Variants in ELAVL4 observed in about 807,000 individuals in gnomAD.
The protein encoded by ELAVL4 is ELAV-like protein 4.
Under a neutral mutation model 35.6 loss-of-function variants are expected in ELAVL4, and 1 was observed. The ratio of observed to expected loss-of-function variants is 0.03; its 90% CI spans 0.01 to 0.13. The LOEUF is 0.13. Among genes scored for constraint, ELAVL4 ranks in the 10% least tolerant of loss-of-function variants. The pLI is 1.00. For synonymous variants in ELAVL4, 156 were observed against 171.0 expected (o/e 0.91, Z 0.69); for missense variants, 267 against 464.9 (o/e 0.57, Z 3.91).
At chr1:50,168,437 T>C (rs1678354803) in intron 2 of ELAVL4, among the ~76,000 whole-genome samples, 1 of 152,206 alleles carries the variant, frequency 6.6e-6, no homozygotes, top group African/African-American at 2.4e-5. Flanking sequence ...AGCTCATGTC[T>C]GTTTTTCCGT....
chr1:50,104,810 T>C (rs933306780), upstream of ELAVL4, among the ~76,000 whole-genome samples: 1 of 152,252 alleles, frequency 6.6e-6, no homozygotes, highest in African/African-American at 2.4e-5. Context: ...CTATATCCTT[T>C]TAACATACCC....
intron 1 of ELAVL4, among the ~76,000 whole-genome samples, chr1:50,097,907 A>G (rs1310296540): frequency 1.3e-5 from 2 of 152,178 alleles, no homozygotes; most frequent in African/African-American, 2.4e-5. Flanking sequence ...CTTTTGCCCC[A>G]AGGTACCCAT....
At chr1:50,183,024 ATTT>A (rs1681286315) in intron 3 of ELAVL4, among the ~76,000 whole-genome samples, 1 of 151,732 alleles carries the variant, frequency 6.6e-6, no homozygotes, top group Non-Finnish European at 1.5e-5. Context: ...CGCCCGGCTG[ATTT>A]TTGTATTTTT....
At chr1:50,189,871 A>C (rs1682405652) in intron 3 of ELAVL4, among the ~76,000 whole-genome samples, 1 of 152,230 alleles carries the variant, frequency 6.6e-6, no homozygotes. Context: ...AAGGTCATGC[A>C]GCTAGTGAGT....
intron 3 of ELAVL4, among the ~76,000 whole-genome samples, chr1:50,189,289 A>G (rs908984896): frequency 1.3e-5 from 2 of 152,238 alleles, no homozygotes; most frequent in African/African-American, 2.4e-5. Context: ...TGCCCAGGCC[A>G]AGCCCTGTGT....
chr1:50,110,799 C>T (rs1053986283), intron 1 of ELAVL4, among the ~76,000 whole-genome samples: 1 of 152,114 alleles, frequency 6.6e-6, no homozygotes, highest in African/African-American at 2.4e-5. Flanking sequence ...TTGCCTTTGT[C>T]TGGCTGCTTG....
At chr1:50,137,749 A>G (rs1482625148) in intron 1 of ELAVL4, among the ~76,000 whole-genome samples, 2 of 152,208 alleles carry the variant, frequency 1.3e-5, no homozygotes, top group Non-Finnish European at 2.9e-5. Flanking sequence ...AAGAAATCAT[A>G]TGAAAAGAGT....
intron 1 of ELAVL4, among the ~76,000 whole-genome samples, chr1:50,069,822 G>A (rs1664430196): frequency 1.3e-5 from 2 of 152,108 alleles, no homozygotes; most frequent in Non-Finnish European, 2.9e-5. Context: ...TCCTCACCTG[G>A]GTACTATATT....
chr1:50,161,988 A>C (rs989050189), intron 2 of ELAVL4, among the ~76,000 whole-genome samples: 2 of 152,234 alleles, frequency 1.3e-5, no homozygotes, highest in Non-Finnish European at 1.5e-5. Flanking sequence ...TTTCATGTTC[A>C]GAGACATCAT....
chr1:50,200,181 T>C (rs1223215528), intron 6 of ELAVL4, among the ~76,000 whole-genome samples: 5 of 152,106 alleles, frequency 3.3e-5, no homozygotes, highest in Non-Finnish European at 5.9e-5. Flanking sequence ...ATCTGTTTAA[T>C]AGCAAGAAAG....
chr1:50,126,568 A>C (rs549365365), intron 1 of ELAVL4, among the ~76,000 whole-genome samples: 75 of 152,260 alleles, frequency 4.9e-4, no homozygotes, highest in African/African-American at 1.4e-3. Context: ...CACTAGTTTT[A>C]GAATGTAGAC....
chr1:50,170,788 T>A (rs532204146), intron 2 of ELAVL4, among the ~76,000 whole-genome samples: 4 of 152,256 alleles, frequency 2.6e-5, no homozygotes, highest in Non-Finnish European at 4.4e-5. Flanking sequence ...ATCCCAACAC[T>A]TTGAGAGGCC....
chr1:50,123,354 A>G (rs17105902), intron 1 of ELAVL4, among the ~76,000 whole-genome samples: 6,356 of 152,056 alleles, frequency 0.042, 412 homozygotes, highest in African/African-American at 0.13. Context: ...AACAGAGTTG[A>G]ATTTAAAACA....
At chr1:50,193,326 G>C (rs1682952217) in intron 3 of ELAVL4, among the ~76,000 whole-genome samples, 1 of 151,216 alleles carries the variant, frequency 6.6e-6, no homozygotes, top group Non-Finnish European at 1.5e-5. Context: ...GGGTAGGGAG[G>C]GTGGCAAGGA....
intron 3 of ELAVL4, 48 bp from the exon 4 acceptor site, chr1:50,193,717 T>C: frequency 6.3e-7 from 1 of 1,588,718 alleles, no homozygotes; most frequent in South Asian, 1.2e-5. Flanking sequence ...GCATCTACTC[T>C]GAGGGTGATT....
intron 1 of ELAVL4, chr1:50,110,076 C>T: frequency 7.3e-7 from 1 of 1,365,950 alleles, no homozygotes; most frequent in East Asian, 2.4e-5. Flanking sequence ...TCGTAAATCA[C>T]TGTGCTGATC....
intron 1 of ELAVL4, among the ~76,000 whole-genome samples, chr1:50,086,144 G>C (rs914574841): frequency 1.3e-5 from 2 of 151,858 alleles, no homozygotes; most frequent in African/African-American, 4.8e-5. Context: ...TAGACTTCCT[G>C]AAGTTTTAAA....
intron 1 of ELAVL4, chr1:50,048,244 C>A: frequency 6.9e-7 from 1 of 1,440,168 alleles, no homozygotes; most frequent in Non-Finnish European, 9.2e-7. Flanking sequence ...TTACGGACAC[C>A]CGCTGGGCCA....
intron 2 of ELAVL4, among the ~76,000 whole-genome samples, chr1:50,172,199 A>T (rs1019887488): frequency 6.6e-6 from 1 of 152,164 alleles, no homozygotes; most frequent in African/African-American, 2.4e-5. Flanking sequence ...GATCAGAATA[A>T]TCTCCAGGAT....
Sources: gnomAD v4.1 joint callset for allele counts (sites outside exome capture counted in the v4.1 genomes callset) on GRCh38, gnomAD v4.1.1 for gene constraint, MANE v1.5 for transcripts, NCBI Gene and HGNC (gene_info 2026-07-23, HGNC 2026-07-21) for gene names.